Variants in ARHGEF26 observed in about 807,000 individuals in gnomAD.
ARHGEF26 encodes the protein Rho guanine nucleotide exchange factor (GEF) 26.
ARHGEF26 carries 59 observed loss-of-function variants against 89.4 expected under a neutral mutation model. That is an observed-to-expected ratio of 0.66 (90% CI 0.54 to 0.82). The LOEUF (loss-of-function observed/expected upper bound fraction) is 0.82. ARHGEF26 is among the 40% of genes least tolerant of loss of function. ARHGEF26 has a pLI of 0.00. For missense variants in ARHGEF26, 1,234 were observed against 1,085.6 expected (o/e 1.14, Z -1.92); for synonymous variants, 500 against 428.4 (o/e 1.17, Z -2.06).
intron 6 of ARHGEF26, among the ~76,000 whole-genome samples, chr3:154,186,774 G>A (rs1179067297): frequency 1.3e-5 from 2 of 149,010 alleles, no homozygotes; most frequent in Non-Finnish European, 3.0e-5. Flanking sequence ...AAGAAAGAAA[G>A]AAAGAGGGAA....
intron 4 of ARHGEF26, among the ~76,000 whole-genome samples, chr3:154,143,683 C>T (rs909699758): frequency 6.6e-6 from 1 of 152,158 alleles, no homozygotes; most frequent in African/African-American, 2.4e-5. Flanking sequence ...ATTCCCAACC[C>T]CTCAGCTGTT....
At chr3:154,167,541 A>G (rs1352313136) in intron 6 of ARHGEF26, among the ~76,000 whole-genome samples, 2 of 152,186 alleles carry the variant, frequency 1.3e-5, no homozygotes, top group African/African-American at 4.8e-5. Context: ...TCACATGTTA[A>G]TTGTTTTATA....
At chr3:154,215,608 A>G (rs906831967) in intron 9 of ARHGEF26, among the ~76,000 whole-genome samples, 28 of 152,236 alleles carry the variant, frequency 1.8e-4, no homozygotes, top group Middle Eastern at 3.4e-3. Context: ...TATTGCTCAC[A>G]GTTGTGGAGG....
At chr3:154,226,443 TG>T (rs775470297) in intron 11 of ARHGEF26, among the ~76,000 whole-genome samples, 12 of 152,210 alleles carry the variant, frequency 7.9e-5, no homozygotes, top group Non-Finnish European at 1.6e-4. Flanking sequence ...CTGCTTTTAA[TG>T]ATCCTTAGTC....
chr3:154,196,549 C>G (rs1485854663), intron 9 of ARHGEF26, among the ~76,000 whole-genome samples: 2 of 152,162 alleles, frequency 1.3e-5, no homozygotes, highest in African/African-American at 2.4e-5. Context: ...ATAATATTTA[C>G]AAAATCATGG....
At chr3:154,137,990 A>G (rs1233371519) in intron 4 of ARHGEF26, among the ~76,000 whole-genome samples, 1 of 152,182 alleles carries the variant, frequency 6.6e-6, no homozygotes, top group Non-Finnish European at 1.5e-5. Context: ...AGGAAACAAT[A>G]TAGATTACCC....
chr3:154,174,391 C>T (rs1176255985), intron 6 of ARHGEF26, among the ~76,000 whole-genome samples: 6 of 152,174 alleles, frequency 3.9e-5, no homozygotes, highest in Non-Finnish European at 7.3e-5. Context: ...AGCTCCGAAG[C>T]ACACTGTGTT....
intron 11 of ARHGEF26, among the ~76,000 whole-genome samples, chr3:154,228,388 C>T (rs1393758422): frequency 2.0e-5 from 3 of 151,438 alleles, no homozygotes; most frequent in African/African-American, 7.3e-5. Context: ...CTGCCTGTCT[C>T]GGCCTCCCAA....
chr3:154,153,940 A>G (rs780722640), intron 6 of ARHGEF26, among the ~76,000 whole-genome samples: 2 of 152,094 alleles, frequency 1.3e-5, no homozygotes, highest in Non-Finnish European at 2.9e-5. Flanking sequence ...TATTTGTTGA[A>G]GAAATCCGGT....
At chr3:154,172,118 G>T (rs1404680049) in intron 6 of ARHGEF26, among the ~76,000 whole-genome samples, 6 of 152,196 alleles carry the variant, frequency 3.9e-5, no homozygotes, top group Non-Finnish European at 8.8e-5. Context: ...TGCGCAAGAA[G>T]CAGGTGCGAC....
chr3:154,196,187 A>T (rs1714281221), intron 9 of ARHGEF26, among the ~76,000 whole-genome samples: 1 of 152,170 alleles, frequency 6.6e-6, no homozygotes, highest in Non-Finnish European at 1.5e-5. Context: ...AGTGGTAGCT[A>T]ACTGTCTAAA....
At chr3:154,168,684 C>T (rs1276532751) in intron 6 of ARHGEF26, among the ~76,000 whole-genome samples, 1 of 152,168 alleles carries the variant, frequency 6.6e-6, no homozygotes, top group Non-Finnish European at 1.5e-5. Flanking sequence ...TACCCTTCAC[C>T]TTCTGTTGAT....
chr3:154,214,089 G>A (rs1053208334), intron 9 of ARHGEF26, among the ~76,000 whole-genome samples: 1 of 152,086 alleles, frequency 6.6e-6, no homozygotes, highest in Non-Finnish European at 1.5e-5. Flanking sequence ...GAGGGAAGGT[G>A]GGACACAGCA....
Position 154,137,698 on chromosome 3 carries a change from C to T in ARHGEF26, c.1269+7979C>T, listed in dbSNP as rs1350541566. ...AGAGAATAATTCAGACATTTTGGACCAGGTACAGTGGGTCCTGCCTGTAAT... is the reference window on the plus strand; with the variant it reads ...AGAGAATAATTCAGACATTTTGGACTAGGTACAGTGGGTCCTGCCTGTAAT... On this transcript the variant is annotated intron_variant, in intron 4 of 14. Coordinates refer to ENST00000465093, the MANE Select transcript of ARHGEF26 (RefSeq NM_015595.4). Among the ~76,000 whole-genome samples, 7 of 151,644 alleles carry T rather than the reference C, an allele frequency of 4.6e-5. No individual in the cohort carries two copies. In the South Asian group the frequency reaches 1.3e-3, roughly 27 times the overall value.
chr3:154,187,968 A>G (rs1408672528), intron 7 of ARHGEF26, 131 bp downstream of exon 7: 4 of 922,640 alleles, frequency 4.3e-6, no homozygotes, highest in South Asian at 4.9e-5. Context: ...CAGAGGAGAA[A>G]TGTTTAAGAG....
upstream of ARHGEF26, chr3:154,121,320 T>C (rs745862792): frequency 2.1e-5 from 3 of 139,908 alleles, no homozygotes; most frequent in Admixed American, 2.1e-4. Context: ...CTGGCTGCGA[T>C]GGAGGCGGAT....
chr3:154,124,610 T>G (rs893483352), intron 3 of ARHGEF26, among the ~76,000 whole-genome samples, 161 bp downstream of exon 3: 1 of 152,170 alleles, frequency 6.6e-6, no homozygotes, highest in Non-Finnish European at 1.5e-5. Context: ...TAAATTTTTA[T>G]CTAGTAATAC....
At chr3:154,138,024 A>G (rs1329005481) in intron 4 of ARHGEF26, among the ~76,000 whole-genome samples, 4 of 152,122 alleles carry the variant, frequency 2.6e-5, no homozygotes, top group Non-Finnish European at 2.9e-5. Flanking sequence ...TATACAGACT[A>G]TTTATAATAT....
intron 4 of ARHGEF26, among the ~76,000 whole-genome samples, chr3:154,138,759 G>C (rs1305246666): frequency 5.9e-5 from 9 of 152,160 alleles, no homozygotes. Flanking sequence ...AAATCGATGA[G>C]AGAGATTGAT....
Sources: allele counts gnomAD v4.1 joint callset (sites outside exome capture counted in the v4.1 genomes callset), GRCh38; gene constraint gnomAD v4.1.1; transcripts MANE v1.5; gene names NCBI Gene and HGNC (gene_info 2026-07-23, HGNC 2026-07-21).